NKAIN3: variants seen among roughly 807,000 people sequenced by gnomAD.
The protein encoded by NKAIN3 is sodium/potassium-transporting ATPase subunit beta-1-interacting protein 3.
In NKAIN3, 25 loss-of-function variants were observed where a neutral mutation model predicts 30.2. The observed-to-expected ratio is 0.83, with a 90% confidence interval of 0.60 to 1.16. NKAIN3 has a LOEUF of 1.16. NKAIN3 is among the 50% of genes most tolerant of loss of function. The pLI is 0.00. For missense variants in NKAIN3, 225 were observed against 254.1 expected (o/e 0.89, Z 0.78); for synonymous variants, 91 against 89.6 (o/e 1.02, Z -0.09).
At chr8:62,428,988 G>A (rs1804905582) in intron 1 of NKAIN3, among the ~76,000 whole-genome samples, 1 of 151,850 alleles carries the variant, frequency 6.6e-6, no homozygotes, top group Non-Finnish European at 1.5e-5. Context: ...TTTAATCCAT[G>A]TTGATTTGAT....
At chr8:62,278,114 C>T (rs1377507050) in intron 1 of NKAIN3, among the ~76,000 whole-genome samples, 2 of 152,152 alleles carry the variant, frequency 1.3e-5, no homozygotes, top group African/African-American at 2.4e-5. Flanking sequence ...ATGACCTGGG[C>T]CGCCACACAT....
chr8:62,913,592 A>G (rs1821990040), intron 4 of NKAIN3, among the ~76,000 whole-genome samples: 1 of 152,216 alleles, frequency 6.6e-6, no homozygotes, highest in Non-Finnish European at 1.5e-5. Flanking sequence ...AGATTTACAG[A>G]TTATATTATC....
intron 4 of NKAIN3, among the ~76,000 whole-genome samples, chr8:62,850,404 C>T (rs561032153): frequency 0.012 from 1,860 of 151,082 alleles, 33 homozygotes; most frequent in African/African-American, 0.042. Flanking sequence ...ATTCTGTAGG[C>T]TGCCTGTTCA....
chr8:62,549,087 G>T (rs563137150), intron 1 of NKAIN3, among the ~76,000 whole-genome samples: 1 of 152,126 alleles, frequency 6.6e-6, no homozygotes, highest in Non-Finnish European at 1.5e-5. Flanking sequence ...CTTTAAGAGT[G>T]AATAAATTTT....
intron 5 of NKAIN3, among the ~76,000 whole-genome samples, chr8:62,993,637 A>T (rs1280276911): frequency 6.6e-6 from 1 of 152,060 alleles, no homozygotes; most frequent in Non-Finnish European, 1.5e-5. Flanking sequence ...CCTTTTTGCA[A>T]ACGAATCACT....
intron 3 of NKAIN3, among the ~76,000 whole-genome samples, chr8:62,680,650 A>G (rs1281111633): frequency 1.3e-5 from 2 of 152,020 alleles, no homozygotes; most frequent in African/African-American, 4.8e-5. Flanking sequence ...ATATGATAGG[A>G]TTTTCTAATG....
chr8:62,398,963 C>T (rs563480915), intron 1 of NKAIN3, among the ~76,000 whole-genome samples: 193 of 152,202 alleles, frequency 1.3e-3, no homozygotes, highest in African/African-American at 4.2e-3. Flanking sequence ...TGGTGGCACA[C>T]GCCTGAAATT....
chr8:62,267,955 T>C (rs1337916998), intron 1 of NKAIN3, among the ~76,000 whole-genome samples: 1 of 152,226 alleles, frequency 6.6e-6, no homozygotes, highest in African/African-American at 2.4e-5. Flanking sequence ...TATTTTACAA[T>C]AGTTTTTGTC....
At chr8:62,867,143 G>T (rs186032479) in intron 4 of NKAIN3, among the ~76,000 whole-genome samples, 2 of 151,054 alleles carry the variant, frequency 1.3e-5, no homozygotes, top group East Asian at 1.9e-4. Flanking sequence ...TAACCATAGG[G>T]TCTCTATTTT....
At chr8:62,772,069 C>T (rs1817031957) in intron 4 of NKAIN3, among the ~76,000 whole-genome samples, 1 of 151,982 alleles carries the variant, frequency 6.6e-6, no homozygotes. Flanking sequence ...ACTATTCTTC[C>T]CACCCTCTGG....
chr8:62,582,516 G>C (rs550067580), intron 2 of NKAIN3, among the ~76,000 whole-genome samples: 1 of 152,126 alleles, frequency 6.6e-6, no homozygotes, highest in African/African-American at 2.4e-5. Context: ...AGGGAGCTGA[G>C]AGCTGAGGTC....
intron 3 of NKAIN3, among the ~76,000 whole-genome samples, chr8:62,643,396 T>C (rs775200369): frequency 3.3e-5 from 5 of 152,092 alleles, no homozygotes; most frequent in Non-Finnish European, 4.4e-5. Flanking sequence ...CCAAGAAAAT[T>C]GGCTAAAGCT....
intron 1 of NKAIN3, among the ~76,000 whole-genome samples, chr8:62,256,845 T>A (rs1369377318): frequency 6.6e-6 from 1 of 152,222 alleles, no homozygotes; most frequent in Non-Finnish European, 1.5e-5. Flanking sequence ...TTTCAAGGTT[T>A]ACTTGAAGTA....
chr8:62,772,333 C>T (rs368116339), intron 4 of NKAIN3, among the ~76,000 whole-genome samples: 6 of 152,216 alleles, frequency 3.9e-5, no homozygotes, highest in African/African-American at 1.4e-4. Flanking sequence ...GTTGCTCCCA[C>T]ATCTTGGCTG....
At chr8:62,751,499 C>T (rs1374715861) in intron 4 of NKAIN3, among the ~76,000 whole-genome samples, 1 of 152,126 alleles carries the variant, frequency 6.6e-6, no homozygotes, top group Non-Finnish European at 1.5e-5. Context: ...GAAAATGTGA[C>T]TATATATTCT....
intron 4 of NKAIN3, among the ~76,000 whole-genome samples, chr8:62,793,759 T>A (rs1817767922): frequency 6.6e-6 from 1 of 152,184 alleles, no homozygotes; most frequent in Admixed American, 6.6e-5. Flanking sequence ...GAAAATCTAA[T>A]CTCCAACATT....
At chr8:62,729,011 A>AAAAC (rs139676737) in intron 3 of NKAIN3, among the ~76,000 whole-genome samples, 9,738 of 35,218 alleles carry the variant, frequency 0.28, 3,114 homozygotes, top group African/African-American at 0.54. Context: ...AAAACAAAAC[A>AAAAC]AAACAAACAA....
At chr8:62,687,387 G>A (rs1016478437) in intron 3 of NKAIN3, among the ~76,000 whole-genome samples, 1 of 152,192 alleles carries the variant, frequency 6.6e-6, no homozygotes, top group Non-Finnish European at 1.5e-5. Flanking sequence ...CCAGCGTTGT[G>A]TCCAAGTTTG....
At chr8:62,260,788 T>C (rs536709633) in intron 1 of NKAIN3, among the ~76,000 whole-genome samples, 1 of 152,162 alleles carries the variant, frequency 6.6e-6, no homozygotes, top group Non-Finnish European at 1.5e-5. Flanking sequence ...AATTAAATTA[T>C]ATTAAAAACA....
Sources: allele counts gnomAD v4.1 joint callset (sites outside exome capture counted in the v4.1 genomes callset), GRCh38; gene constraint gnomAD v4.1.1; transcripts MANE v1.5; gene names NCBI Gene and HGNC (gene_info 2026-07-23, HGNC 2026-07-21).